UTRN: variants seen among roughly 807,000 people sequenced by gnomAD.
UTRN encodes the protein dystrophin-related protein 1.
Under a neutral mutation model 463.9 loss-of-function variants are expected in UTRN, and 283 were observed. The observed-to-expected ratio is 0.61, with a 90% confidence interval of 0.55 to 0.67. The LOEUF is 0.67. UTRN is among the 30% of genes least tolerant of loss of function. The probability of loss-of-function intolerance (pLI) is 0.00; values close to 1 mark genes in which losing one functional copy is unlikely to be tolerated. For synonymous variants in UTRN, 1,442 were observed against 1,431.5 expected, an observed-to-expected ratio of 1.01 and a Z score of -0.17; for missense variants, 3,922 against 4,084.3, an observed-to-expected ratio of 0.96 and a Z score of 1.08.
rs1785083527 is a variant in UTRN at position 144,424,011 on chromosome 6, C to T, written c.338C>T (p.Thr113Ile). 6.2e-7 allele frequency: 1 copy of T among 1,614,114 alleles called. No individual in the cohort carries two copies. The highest frequency in any genetic ancestry group is 1.3e-5 in the African/African-American group (1 of 75,028). Residue 113 changes from threonine to isoleucine, a missense_variant, in exon 6 of 75, where the codon ACT becomes ATT. Physicochemically the swap from Thr to Ile is moderately conservative, Grantham distance 89. Around this residue, in one of 3 missense-constraint regions of UTRN, gnomAD observed 264 missense variants for 327.9 expected, o/e 0.81. Coordinates refer to ENST00000367545, the MANE Select transcript of UTRN (RefSeq NM_007124.3). ...GTGGAATTAGTGAATATAGGGGGAACTGACATTGTGGATGGAAATCACAAA... is the reference window on the plus strand; with the variant it reads ...GTGGAATTAGTGAATATAGGGGGAATTGACATTGTGGATGGAAATCACAAA... ...NNVELVNIGG[T>I]DIVDGNHKLT...
intron 2 of UTRN, among the ~76,000 whole-genome samples, chr6:144,336,502 A>G (rs542082091): frequency 2.0e-5 from 3 of 152,122 alleles, no homozygotes; most frequent in Non-Finnish European, 4.4e-5. Context: ...TCCTGCCAAC[A>G]CCAAAGAATA....
At chr6:144,669,276 CAG>C (rs1394389381) in intron 51 of UTRN, among the ~76,000 whole-genome samples, 5 of 152,120 alleles carry the variant, frequency 3.3e-5, no homozygotes, top group African/African-American at 1.2e-4. Context: ...TTTGAAAACT[CAG>C]AGAAGTATAG....
chr6:144,291,751 C>A lies in UTRN; in HGVS notation c.-78C>A. 7.7e-7 allele frequency: 1 copy of A among 1,295,644 alleles called. No homozygotes were observed. Among genetic ancestry groups the A allele is most frequent in the Non-Finnish European group, 1.1e-6 (1 of 937,904 alleles). The allele number at this position is 1,295,644 out of a possible 1,614,324, so 80.3% of individuals were successfully genotyped here. ...TTTCCTTTTAGGTATTGATGTCAAGCTGAACCATCGTAGGAAGTTGAAAGC... is the reference window on the plus strand; with the variant it reads ...TTTCCTTTTAGGTATTGATGTCAAGATGAACCATCGTAGGAAGTTGAAAGC... On this transcript the variant is annotated 5_prime_UTR_variant, in exon 2 of 75. The change creates a new upstream start codon in the 5' untranslated region. Transcript: ENST00000367545.
intron 58 of UTRN, among the ~76,000 whole-genome samples, chr6:144,763,974 T>C (rs942024414): frequency 2.0e-5 from 3 of 152,198 alleles, no homozygotes; most frequent in African/African-American, 7.2e-5. Context: ...TGAATCTCTT[T>C]CAAGAACTGG....
At chr6:144,698,585 G>A (rs1784249981) in intron 52 of UTRN, among the ~76,000 whole-genome samples, 1 of 152,176 alleles carries the variant, frequency 6.6e-6, no homozygotes, top group African/African-American at 2.4e-5. Context: ...CTGCCCTCTG[G>A]GATGATGCAG....
intron 54 of UTRN, among the ~76,000 whole-genome samples, chr6:144,733,641 A>G (rs150507152): frequency 5.2e-4 from 79 of 152,134 alleles, no homozygotes; most frequent in Middle Eastern, 6.8e-3. Flanking sequence ...CTGTCTTGTC[A>G]TGGATGTGCT....
intron 23 of UTRN, among the ~76,000 whole-genome samples, chr6:144,472,148 T>C (rs891829086): frequency 1.3e-5 from 2 of 152,300 alleles, no homozygotes; most frequent in Admixed American, 1.3e-4. Flanking sequence ...AAGCAGAAGA[T>C]ATAAAGTAAG....
At chr6:144,343,990 A>G (rs900937381) in intron 2 of UTRN, 6 of 337,670 alleles carry the variant, frequency 1.8e-5, no homozygotes, top group Non-Finnish European at 2.9e-5. Context: ...AACCTGCCTA[A>G]GGAGTTTTCA....
chr6:144,578,888 G>A (rs887380579), intron 51 of UTRN, among the ~76,000 whole-genome samples: 1 of 152,204 alleles, frequency 6.6e-6, no homozygotes, highest in Non-Finnish European at 1.5e-5. Flanking sequence ...CAACAAATGT[G>A]TGGATCTGGA....
At chr6:144,640,773 A>C (rs1328224036) in intron 51 of UTRN, among the ~76,000 whole-genome samples, 1 of 152,164 alleles carries the variant, frequency 6.6e-6, no homozygotes, top group Non-Finnish European at 1.5e-5. Flanking sequence ...CTGCTTCTCA[A>C]CTGTGATCCT....
chr6:144,434,071 T>C (rs974470475), intron 9 of UTRN, among the ~76,000 whole-genome samples: 1 of 152,208 alleles, frequency 6.6e-6, no homozygotes, highest in Non-Finnish European at 1.5e-5. Flanking sequence ...CTGAGTGAAC[T>C]AGACTCCGTC....
chr6:144,611,675 C>T (rs1434118534), intron 51 of UTRN, among the ~76,000 whole-genome samples: 3 of 152,050 alleles, frequency 2.0e-5, no homozygotes, highest in African/African-American at 7.2e-5. Context: ...GTACTGACAA[C>T]TATAAAACGC....
intron 2 of UTRN, among the ~76,000 whole-genome samples, chr6:144,316,830 A>G (rs1454466104): frequency 6.6e-6 from 1 of 151,822 alleles, no homozygotes; most frequent in African/African-American, 2.4e-5. Flanking sequence ...TAGGACTTAG[A>G]GTAAGTTTTT....
chr6:144,554,228 A>C (rs745587088), intron 48 of UTRN, among the ~76,000 whole-genome samples: 1 of 152,224 alleles, frequency 6.6e-6, no homozygotes, highest in Non-Finnish European at 1.5e-5. Flanking sequence ...ATTCTTACAC[A>C]GTTCAGTTTC....
intron 3 of UTRN, among the ~76,000 whole-genome samples, chr6:144,408,873 T>C (rs1783641723): frequency 1.3e-5 from 2 of 152,224 alleles, no homozygotes; most frequent in Admixed American, 1.3e-4. Context: ...ATATTCAGTC[T>C]TCTCTTTAGT....
At chr6:144,385,422 A>G (rs1473107583) in intron 2 of UTRN, among the ~76,000 whole-genome samples, 1 of 152,188 alleles carries the variant, frequency 6.6e-6, no homozygotes, top group African/African-American at 2.4e-5. Flanking sequence ...AAAAATATGA[A>G]AGTGGAAAGA....
At chr6:144,486,254 A>G (rs905493097) in intron 28 of UTRN, among the ~76,000 whole-genome samples, 1 of 152,222 alleles carries the variant, frequency 6.6e-6, no homozygotes, top group Non-Finnish European at 1.5e-5. Context: ...CAGGAGACGG[A>G]TGCTCTGCTA....
chr6:144,473,870 A>G (rs1243044396), intron 24 of UTRN, 37 bp downstream of exon 24: 4 of 1,487,548 alleles, frequency 2.7e-6, no homozygotes, highest in Non-Finnish European at 1.9e-6. Context: ...GTCATAAATA[A>G]CATTTTGTTC....
chr6:144,403,289 G>A (rs1783089765), intron 3 of UTRN, 105 bp downstream of exon 3: 7 of 938,966 alleles, frequency 7.5e-6, no homozygotes, highest in East Asian at 2.6e-5. Context: ...TCACCTAGCC[G>A]AAGTCTTCTG....
Sources: gnomAD v4.1 joint callset for allele counts (sites outside exome capture counted in the v4.1 genomes callset) on GRCh38, gnomAD v4.1.1 for gene constraint, gnomAD v4.1.1 regional missense constraint, MANE v1.5 for transcripts, NCBI Gene and HGNC (gene_info 2026-07-23, HGNC 2026-07-21) for gene names.